NUP58: variants seen among roughly 807,000 people sequenced by gnomAD.
NUP58 encodes the protein nucleoporin p58/p45.
A neutral mutation model predicts 70.1 loss-of-function variants in NUP58; 17 were observed. That is an observed-to-expected ratio of 0.24 (90% CI 0.17 to 0.36). NUP58 has a LOEUF of 0.36. Among genes scored for constraint, NUP58 ranks in the 10% least tolerant of loss-of-function variants. NUP58 has a pLI of 1.00. For synonymous variants in NUP58, 275 were observed against 257.6 expected (o/e 1.07, Z -0.65); for missense variants, 644 against 701.5 (o/e 0.92, Z 0.93).
intron 12 of NUP58, among the ~76,000 whole-genome samples, chr13:25,330,863 ATG>A (rs1478456204): frequency 3.9e-5 from 6 of 152,252 alleles, no homozygotes; most frequent in Admixed American, 2.0e-4. Flanking sequence ...TTATTTTAGC[ATG>A]TGTTACCCAG....
At chr13:25,333,584 C>T in intron 13 of NUP58, 2 of 985,380 alleles carry the variant, frequency 2.0e-6, no homozygotes, top group Non-Finnish European at 2.4e-6. Flanking sequence ...TTTACATTAT[C>T]TTTTCTTTCT....
intron 5 of NUP58, among the ~76,000 whole-genome samples, chr13:25,314,056 G>T (rs542287484): frequency 6.6e-6 from 1 of 152,012 alleles, no homozygotes; most frequent in Non-Finnish European, 1.5e-5. Context: ...TCAGCCTCCT[G>T]AGTAGCTGGG....
downstream of NUP58, among the ~76,000 whole-genome samples, chr13:25,343,687 C>T (rs981360667): frequency 4.0e-5 from 6 of 151,592 alleles, no homozygotes; most frequent in African/African-American, 1.5e-4. Flanking sequence ...AAACTCCTGA[C>T]CTCAGGTAAT....
intron 3 of NUP58, among the ~76,000 whole-genome samples, chr13:25,349,151 G>A (rs903958852): frequency 9.2e-5 from 14 of 152,156 alleles, no homozygotes; most frequent in African/African-American, 3.4e-4. Context: ...TGGTATCTTT[G>A]TCTCCCATAT....
chr13:25,312,158 AAAAG>A (rs1314436920), intron 3 of NUP58, among the ~76,000 whole-genome samples: 2 of 152,112 alleles, frequency 1.3e-5, no homozygotes, highest in African/African-American at 4.8e-5. Context: ...GCTACAGAAA[AAAAG>A]GACTGAAAAG....
chr13:25,332,319 A>G (rs751149048), intron 13 of NUP58: 140 of 985,402 alleles, frequency 1.4e-4, no homozygotes, highest in East Asian at 3.4e-4. Context: ...TGGTCATTCT[A>G]CAGTGTTTTA....
downstream of NUP58, among the ~76,000 whole-genome samples, chr13:25,346,228 T>G: frequency 6.6e-6 from 1 of 152,202 alleles, no homozygotes; most frequent in Admixed American, 6.5e-5. Context: ...TTAACTCATT[T>G]AGTCCTCAAT....
chr13:25,303,208 C>T (rs1342804901), intron 1 of NUP58: 2 of 413,824 alleles, frequency 4.8e-6, no homozygotes, highest in Admixed American at 3.3e-5. Flanking sequence ...TACCCGCCAT[C>T]GTTAGAATGA....
At chr13:25,335,422 C>G (rs1379870407) in intron 13 of NUP58, 8 of 985,154 alleles carry the variant, frequency 8.1e-6, no homozygotes, top group Non-Finnish European at 8.4e-6. Flanking sequence ...ACAAGTCTCT[C>G]AATGTTAAAG....
At chr13:25,318,703 T>G (rs2031049381) in intron 6 of NUP58, among the ~76,000 whole-genome samples, 1 of 152,176 alleles carries the variant, frequency 6.6e-6, no homozygotes, top group African/African-American at 2.4e-5. Flanking sequence ...TGAAGTGGCA[T>G]TTTTCACCTA....
At chr13:25,333,122 GT>G (rs2031667827) in intron 13 of NUP58, 1 of 984,938 alleles carries the variant, frequency 1.0e-6, no homozygotes, top group Non-Finnish European at 1.2e-6. Flanking sequence ...CCTGTCAAGG[GT>G]TTGTGTGTGT....
chr13:25,336,062 A>G (rs1263155968), intron 13 of NUP58: 76 of 1,198,782 alleles, frequency 6.3e-5, no homozygotes, highest in Admixed American at 1.4e-4. Flanking sequence ...CTTTAAAGTA[A>G]CAAGAGGGAA....
rs2031927244 is a variant in NUP58, at chr13:25,340,653, G to T, written c.*519G>T. On this transcript the variant is annotated 3_prime_UTR_variant, in exon 16 of 16. Coordinates refer to ENST00000381736, the MANE Select transcript of NUP58 (RefSeq NM_014089.4). ...AATACATATTTACGCCAGGCGTGGT[G>T]GCTCACGCCTGTAATCCCAGCACTT... The T allele has an allele frequency of 6.6e-6, 1 of 152,220 alleles. No individual in the cohort carries two copies. Among genetic ancestry groups the T allele is most frequent in the African/African-American group, 2.4e-5 (1 of 41,432 alleles). 9.4% of individuals were successfully genotyped at this position (152,220 alleles called of 1,614,324 possible).
intron 10 of NUP58, 29 bp downstream of exon 10, chr13:25,325,097 G>A (rs1426644577): frequency 2.7e-6 from 4 of 1,471,538 alleles, no homozygotes; most frequent in African/African-American, 2.8e-5. Context: ...AAAAACAAAT[G>A]TTTCTCACTT....
At chr13:25,332,578 A>G (rs2031647887) in intron 13 of NUP58, 3 of 985,300 alleles carry the variant, frequency 3.0e-6, no homozygotes, top group South Asian at 4.7e-5. Context: ...CAAGCTACCT[A>G]TACTAGGGAA....
chr13:25,321,447 C>T lies in NUP58; in HGVS notation c.951+354C>T, dbSNP rs116041936. Among the ~76,000 whole-genome samples the T allele has an allele frequency of 9.5e-3, 1,448 of 152,282 alleles. 33 individuals carry two copies. The highest frequency in any genetic ancestry group is 0.033 in the African/African-American group (1,359 of 41,556). ...TGGTAATCCAACTCCAGAGTTTATG[C>T]TGTTAACTAACTAGGTTTCGTAAGT... On this transcript the variant is annotated intron_variant, in intron 9 of 15. Coordinates refer to ENST00000381736, the MANE Select transcript of NUP58 (RefSeq NM_014089.4).
At chr13:25,343,814 TATATATATATATACAC>T (rs755825490), downstream of NUP58, among the ~76,000 whole-genome samples, 3,524 of 147,374 alleles carry the variant, frequency 0.024, 62 homozygotes, top group Non-Finnish European at 0.041. Flanking sequence ...TGTATATATA[TATATATATATATACAC>T]ATATATATAT....
At chr13:25,331,754 C>T in intron 13 of NUP58, 196 bp downstream of exon 13, 1 of 1,409,786 alleles carries the variant, frequency 7.1e-7, no homozygotes. Flanking sequence ...AATAATTATA[C>T]ATCAATTAGA....
At chr13:25,303,117 A>T (rs557458065) in intron 1 of NUP58, 2 of 455,624 alleles carry the variant, frequency 4.4e-6, no homozygotes, top group African/African-American at 4.0e-5. Context: ...AACTACTCCA[A>T]TCAACTTCTT....
Sources: gnomAD v4.1 joint callset for allele counts (sites outside exome capture counted in the v4.1 genomes callset) on GRCh38, gnomAD v4.1.1 for gene constraint, MANE v1.5 for transcripts, NCBI Gene and HGNC (gene_info 2026-07-23, HGNC 2026-07-21) for gene names.